SERINC5: variants seen among roughly 807,000 people sequenced by gnomAD.
SERINC5 encodes the protein serine incorporator 5.
In SERINC5, 41 loss-of-function variants were observed where a neutral mutation model predicts 63.1. The observed-to-expected ratio is 0.65, with a 90% CI of 0.51 to 0.84. SERINC5 has a LOEUF of 0.84. Among genes scored for constraint, SERINC5 ranks in the 40% least tolerant of loss-of-function variants. SERINC5 has a pLI of 0.00. For missense variants in SERINC5, 523 were observed against 573.0 expected (o/e 0.91, Z 0.89); for synonymous variants, 222 against 215.2 (o/e 1.03, Z -0.28).
chr5:80,169,513 G>A lies in SERINC5; in HGVS notation c.585C>T (p.Tyr195=), dbSNP rs202068832. Residue 195 remains tyrosine, a synonymous_variant, in exon 6 of 12, where the codon TAC becomes TAT. Coordinates refer to ENST00000507668, the MANE Select transcript of SERINC5 (RefSeq NM_001174072.3). ...TAGTASNKLW[Y]ASLALVTLIM... ...TGAGCGTCACCAGGGCCAGGGAGGC[G>A]TACCACAGCTTGTTACTGGCTGTGC... is the stretch of plus-strand genomic sequence containing the variant. The A allele has an allele frequency of 2.3e-4, 374 of 1,613,618 alleles. 4 individuals carry two copies. Among genetic ancestry groups the A allele is most frequent in the South Asian group, 6.2e-4 (56 of 91,056 alleles).
rs1258635833 is a variant in SERINC5 at position 80,138,749 on chromosome 5, TTTTA to T, written c.*4910_*4913del. On this transcript the variant is annotated 3_prime_UTR_variant, in exon 12 of 12. Coordinates refer to ENST00000507668, the MANE Select transcript of SERINC5 (RefSeq NM_001174072.3). ...ATGTTGCACACCACAGATATATATC[TTTTA>T]TTTGTCAATTAAAGGATCAGCATAG... 2 of 906,366 alleles carry T rather than the reference TTTTA, an allele frequency of 2.2e-6. No homozygotes were observed. The highest frequency in any genetic ancestry group is 1.8e-5 in the African/African-American group (1 of 55,574). The allele number at this position is 906,366 out of a possible 1,614,324, so 56.1% of individuals were successfully genotyped here.
At chr5:80,219,521 T>C (rs1312495269) in intron 1 of SERINC5, among the ~76,000 whole-genome samples, 1 of 152,154 alleles carries the variant, frequency 6.6e-6, no homozygotes, top group African/African-American at 2.4e-5. Flanking sequence ...CATTGCCTTT[T>C]CAAGCAAGCA....
chr5:80,132,251 A>T (rs577891736), intron 11 of SERINC5, among the ~76,000 whole-genome samples: 7 of 152,220 alleles, frequency 4.6e-5, no homozygotes, highest in Non-Finnish European at 7.3e-5. Flanking sequence ...AGCACGGGCC[A>T]CAGGGGAGTA....
At chr5:80,225,740 C>T (rs778966265) in intron 1 of SERINC5, among the ~76,000 whole-genome samples, 4 of 152,082 alleles carry the variant, frequency 2.6e-5, no homozygotes, top group Admixed American at 1.3e-4. Flanking sequence ...CACATGCACA[C>T]GAGTGTGTAC....
intron 11 of SERINC5, among the ~76,000 whole-genome samples, chr5:80,125,449 T>G (rs555355297): frequency 6.6e-6 from 1 of 152,222 alleles, no homozygotes; most frequent in South Asian, 2.1e-4. Flanking sequence ...AGAAGCAAGG[T>G]TCACTGTCAA....
Position 80,175,004 on chromosome 5 carries a change from G to A in SERINC5, c.501C>T (p.Gly167=), listed in dbSNP as rs191372282. The part of the protein sequence containing the change: ...VGAVGGFLFI[G]IQLLLLVEFA... ...ACTCCACGAGCAGGAGGAGCTGGAT[G>A]CCAATGAAGAGGAAGCCTCCGACGG... The change falls in exon 5 of 12, where the codon GGC becomes GGT. Residue 167 remains glycine, a synonymous_variant. Coordinates refer to ENST00000507668, the MANE Select transcript of SERINC5 (RefSeq NM_001174072.3). 138 of 1,603,214 alleles carry A rather than the reference G, an allele frequency of 8.6e-5. 3 individuals carry two copies. Among genetic ancestry groups the A allele is most frequent in the East Asian group, 5.6e-4 (25 of 44,402 alleles).
chr5:80,168,998 T>C (rs775278221), intron 6 of SERINC5, among the ~76,000 whole-genome samples: 3 of 152,182 alleles, frequency 2.0e-5, no homozygotes, highest in African/African-American at 4.8e-5. Context: ...ACAGAGATTG[T>C]AGGCAAGCTC....
At chr5:80,188,282 CAAAAAAAA>C (rs34863168) in intron 2 of SERINC5, among the ~76,000 whole-genome samples, 5 of 82,794 alleles carry the variant, frequency 6.0e-5, no homozygotes, top group Non-Finnish European at 1.2e-4. Context: ...GACTCCGTCT[CAAAAAAAA>C]AAAAAAAAAA....
intron 1 of SERINC5, among the ~76,000 whole-genome samples, chr5:80,203,774 T>A (rs1316205662): frequency 6.6e-6 from 1 of 152,118 alleles, no homozygotes; most frequent in Non-Finnish European, 1.5e-5. Context: ...CTCTTTTCAG[T>A]CATACCAGAG....
Position 80,150,953 on chromosome 5 carries a change from GAAAC to G in SERINC5, c.987-9_987-6del. ...GATCTTGTTGTTGATGTCAAACTAA[GAAAC>G]AGACAAAAACGTCAGCTGGGCATAT... On this transcript the variant is annotated splice_polypyrimidine_tract_variant and splice_region_variant and intron_variant, in intron 8 of 11. Coordinates refer to ENST00000507668, the MANE Select transcript of SERINC5 (RefSeq NM_001174072.3). The G allele has an allele frequency of 6.2e-7, 1 of 1,611,570 alleles. No individual in the cohort carries two copies. Among genetic ancestry groups the G allele is most frequent in the East Asian group, 2.2e-5 (1 of 44,872 alleles).
At chr5:80,184,812 G>T (rs1387714104) in intron 2 of SERINC5, among the ~76,000 whole-genome samples, 1 of 152,146 alleles carries the variant, frequency 6.6e-6, no homozygotes, top group Admixed American at 6.5e-5. Flanking sequence ...CCTGCTAAGG[G>T]TGTTACCTCT....
intron 1 of SERINC5, among the ~76,000 whole-genome samples, chr5:80,227,417 G>A (rs1420659436): frequency 6.6e-6 from 1 of 151,940 alleles, no homozygotes; most frequent in Non-Finnish European, 1.5e-5. Context: ...CTATGGTGCC[G>A]TCTCTAGAGC....
chr5:80,222,021 T>C (rs1294182476), intron 1 of SERINC5, among the ~76,000 whole-genome samples: 2 of 151,936 alleles, frequency 1.3e-5, no homozygotes, highest in African/African-American at 4.8e-5. Context: ...GTGGTGCCCA[T>C]CTGCAGTCCC....
At chr5:80,167,381 G>T (rs189350153) in intron 6 of SERINC5, among the ~76,000 whole-genome samples, 1 of 152,154 alleles carries the variant, frequency 6.6e-6, no homozygotes, top group East Asian at 1.9e-4. Flanking sequence ...ATGTCCTCCA[G>T]CCCCATCCAC....
At chr5:80,207,406 A>T (rs1452839072) in intron 1 of SERINC5, among the ~76,000 whole-genome samples, 1 of 152,186 alleles carries the variant, frequency 6.6e-6, no homozygotes, top group African/African-American at 2.4e-5. Context: ...AAACATTCCC[A>T]CAGCTGAATC....
rs1745624283 is a variant in SERINC5 at position 80,143,381 on chromosome 5, C to T, written c.*282G>A. On this transcript the variant is annotated 3_prime_UTR_variant, in exon 12 of 12. Coordinates refer to ENST00000507668, the MANE Select transcript of SERINC5 (RefSeq NM_001174072.3). The stretch of plus-strand genomic sequence containing the variant: ...GCCCCAAATTCTGTTTTGGCAAAAA[C>T]ATGCAGAAGGAAGTCAACATAACTG... 8.8e-7 allele frequency: 1 copy of T among 1,132,480 alleles called. No individual in the cohort carries two copies. The allele number at this position is 1,132,480 out of a possible 1,614,324, so 70.2% of individuals were successfully genotyped here.
intron 4 of SERINC5, among the ~76,000 whole-genome samples, chr5:80,175,379 C>T (rs1260062132): frequency 6.6e-6 from 1 of 152,070 alleles, no homozygotes; most frequent in East Asian, 1.9e-4. Context: ...CCATAATGAC[C>T]CACAACTTAA....
chr5:80,207,250 G>T (rs1750218260), intron 1 of SERINC5, among the ~76,000 whole-genome samples: 1 of 152,108 alleles, frequency 6.6e-6, no homozygotes, highest in African/African-American at 2.4e-5. Flanking sequence ...CGCCGTCTCG[G>T]CCTCCCATAA....
chr5:80,165,109 T>C (rs1747202773), intron 7 of SERINC5, among the ~76,000 whole-genome samples: 1 of 151,880 alleles, frequency 6.6e-6, no homozygotes, highest in African/African-American at 2.4e-5. Context: ...CCCAGTAAGT[T>C]AAAGCCAGAA....
Sources: gnomAD v4.1 joint callset for allele counts (sites outside exome capture counted in the v4.1 genomes callset) on GRCh38, gnomAD v4.1.1 for gene constraint, MANE v1.5 for transcripts, NCBI Gene and HGNC (gene_info 2026-07-23, HGNC 2026-07-21) for gene names.